The following PLA2G4E variants were observed in gnomAD, a reference collection of about 807,000 sequenced individuals.
The protein encoded by PLA2G4E is cytosolic phospholipase A2 epsilon.
PLA2G4E carries 84 observed loss-of-function variants against 109.1 expected under a neutral mutation model. That is an observed-to-expected ratio of 0.77 (90% CI 0.65 to 0.92). The LOEUF is 0.92. PLA2G4E is among the 40% of genes least tolerant of loss of function. PLA2G4E has a pLI of 0.00. For missense variants in PLA2G4E, 1,057 were observed against 1,076.6 expected (o/e 0.98, Z 0.25); for synonymous variants, 469 against 436.1 (o/e 1.08, Z -0.94).
chr15:42,036,765 C>T (rs548578315), intron 1 of PLA2G4E, among the ~76,000 whole-genome samples: 1 of 152,258 alleles, frequency 6.6e-6, no homozygotes, highest in African/African-American at 2.4e-5. Context: ...CTGCATGCTC[C>T]GCGGAGCTGG....
intron 6 of PLA2G4E, among the ~76,000 whole-genome samples, chr15:42,001,718 G>T (rs2068422025): frequency 6.6e-6 from 1 of 152,140 alleles, no homozygotes; most frequent in Non-Finnish European, 1.5e-5. Context: ...TTGGCACAGG[G>T]TCTCACTCTG....
chr15:42,041,136 A>G (rs72727704), intron 1 of PLA2G4E, among the ~76,000 whole-genome samples: 13,226 of 152,242 alleles, frequency 0.087, 593 homozygotes, highest in South Asian at 0.13. Flanking sequence ...ATGAATATGC[A>G]AACCTTGCAC....
chr15:42,029,333 C>T (rs760269792), intron 1 of PLA2G4E, among the ~76,000 whole-genome samples: 4 of 152,108 alleles, frequency 2.6e-5, no homozygotes, highest in African/African-American at 7.2e-5. Flanking sequence ...TGGGCTCAAG[C>T]AATCTGCCCA....
exon 20 of PLA2G4E, chr15:41,983,737 G>A (rs757491207): frequency 6.4e-7 from 1 of 1,561,422 alleles, no homozygotes; most frequent in Non-Finnish European, 8.7e-7. Flanking sequence ...CACAGAACAG[G>A]GGAGGCTCCC....
intron 13 of PLA2G4E, among the ~76,000 whole-genome samples, chr15:41,991,195 G>C (rs372508862): frequency 6.6e-6 from 1 of 152,122 alleles, no homozygotes; most frequent in African/African-American, 2.4e-5. Context: ...TGGCCAGAGC[G>C]CAAGAGCAGA....
chr15:42,030,957 C>A (rs907528228), intron 1 of PLA2G4E, among the ~76,000 whole-genome samples: 2 of 152,162 alleles, frequency 1.3e-5, no homozygotes, highest in African/African-American at 4.8e-5. Context: ...AGTTGAAGGG[C>A]AAAATTTTTT....
chr15:41,988,755 G>A (rs2068191731), intron 15 of PLA2G4E, among the ~76,000 whole-genome samples: 1 of 152,218 alleles, frequency 6.6e-6, no homozygotes, highest in South Asian at 2.1e-4. Context: ...ATGCTCATCA[G>A]CATAGGTGTT....
chr15:42,026,163 G>A (rs2068691463), intron 1 of PLA2G4E, among the ~76,000 whole-genome samples: 1 of 152,038 alleles, frequency 6.6e-6, no homozygotes, highest in South Asian at 2.1e-4. Flanking sequence ...AAGATATAGA[G>A]GAGAGTCTTG....
chr15:42,020,095 G>A (rs370505766), intron 1 of PLA2G4E, among the ~76,000 whole-genome samples: 3 of 152,234 alleles, frequency 2.0e-5, no homozygotes, highest in Admixed American at 1.3e-4. Flanking sequence ...GGCAGCAGGG[G>A]CATTGGCCAC....
intron 1 of PLA2G4E, among the ~76,000 whole-genome samples, chr15:42,018,773 C>T (rs1460470611): frequency 6.6e-6 from 1 of 152,150 alleles, no homozygotes; most frequent in Admixed American, 6.5e-5. Flanking sequence ...CCACTGCCCC[C>T]TGGGGACCTA....
At chr15:42,027,036 A>T (rs896732077) in intron 1 of PLA2G4E, among the ~76,000 whole-genome samples, 2 of 152,078 alleles carry the variant, frequency 1.3e-5, no homozygotes. Flanking sequence ...CACTTACAGT[A>T]TGAGAAATGT....
chr15:42,025,373 A>C (rs2068684771), intron 1 of PLA2G4E, among the ~76,000 whole-genome samples: 1 of 152,098 alleles, frequency 6.6e-6, no homozygotes, highest in East Asian at 1.9e-4. Flanking sequence ...AAGGATTCAG[A>C]GTGGGAGAGT....
chr15:41,997,083 G>T, intron 11 of PLA2G4E, 41 bp downstream of exon 11: 1 of 1,523,894 alleles, frequency 6.6e-7, no homozygotes, highest in Non-Finnish European at 8.8e-7. Flanking sequence ...GTGCTGGAAG[G>T]ACCAGCTGGG....
At chr15:42,013,387 G>C (rs2068556791) in intron 2 of PLA2G4E, among the ~76,000 whole-genome samples, 1 of 152,224 alleles carries the variant, frequency 6.6e-6, no homozygotes, top group South Asian at 2.1e-4. Context: ...GTGGGGAGGA[G>C]ACAGAGGGCG....
intron 4 of PLA2G4E, among the ~76,000 whole-genome samples, chr15:42,005,468 A>G (rs1321869395): frequency 6.6e-6 from 1 of 152,206 alleles, no homozygotes; most frequent in Non-Finnish European, 1.5e-5. Context: ...GCTAGTTCCC[A>G]AGGGGACCCA....
exon 18 of PLA2G4E, chr15:41,985,893 C>T (rs747958924): frequency 7.4e-6 from 12 of 1,610,820 alleles, no homozygotes. Context: ...CGGCTTTTCG[C>T]TCTGGCCTGA....
chr15:42,007,648 C>T, intron 3 of PLA2G4E, 81 bp downstream of exon 3: 2 of 1,489,310 alleles, frequency 1.3e-6, no homozygotes, highest in Non-Finnish European at 1.8e-6. Context: ...CATAAGAACA[C>T]AGAGGCAAAG....
chr15:42,014,249 G>A (rs559945869), intron 1 of PLA2G4E, among the ~76,000 whole-genome samples: 1 of 152,238 alleles, frequency 6.6e-6, no homozygotes, highest in South Asian at 2.1e-4. Flanking sequence ...AGCCTGGAAG[G>A]TCCTGGAAGC....
intron 2 of PLA2G4E, chr15:42,010,095 C>T: frequency 2.0e-6 from 1 of 509,204 alleles, no homozygotes. Context: ...CCTGCTCAGC[C>T]CTCTTGAACC....
Sources: allele counts gnomAD v4.1 joint callset (sites outside exome capture counted in the v4.1 genomes callset), GRCh38; gene constraint gnomAD v4.1.1; transcripts MANE v1.5; gene names NCBI Gene and HGNC (gene_info 2026-07-23, HGNC 2026-07-21).